Variants in TENM4 observed in about 807,000 individuals in gnomAD.
TENM4 encodes teneurin-4.
Under a neutral mutation model 243.3 loss-of-function variants are expected in TENM4, and 82 were observed. The ratio of observed to expected loss-of-function variants is 0.34; its 90% CI spans 0.28 to 0.40. TENM4 has a LOEUF of 0.40. TENM4 is among the 10% of genes least tolerant of loss of function. The pLI, the probability that TENM4 is intolerant of heterozygous loss-of-function variation, is 1.00. For synonymous variants in TENM4, 1,412 were observed against 1,456.3 expected (o/e 0.97, Z 0.69); for missense variants, 3,138 against 3,673.3 (o/e 0.85, Z 3.77).
At chr11:78,808,343 A>G (rs1160340244) in intron 14 of TENM4, among the ~76,000 whole-genome samples, 1 of 152,242 alleles carries the variant, frequency 6.6e-6, no homozygotes, top group East Asian at 1.9e-4. Flanking sequence ...GTAATAACAC[A>G]GTAATGATCA....
intron 2 of TENM4, among the ~76,000 whole-genome samples, chr11:79,283,202 A>G (rs1590849768): frequency 8.0e-6 from 1 of 124,740 alleles, no homozygotes; most frequent in South Asian, 2.5e-4. Flanking sequence ...CAAAGACATC[A>G]CACACACACA....
intron 19 of TENM4, among the ~76,000 whole-genome samples, chr11:78,746,149 C>T (rs1283823081): frequency 6.6e-6 from 1 of 152,150 alleles, no homozygotes; most frequent in East Asian, 1.9e-4. Flanking sequence ...TTTTAAGTTA[C>T]AGGGGTCTTC....
At chr11:78,804,132 C>T (rs761679709) in intron 15 of TENM4, among the ~76,000 whole-genome samples, 5 of 152,168 alleles carry the variant, frequency 3.3e-5, no homozygotes, top group Middle Eastern at 3.2e-3. Context: ...GTTTAAACAG[C>T]GTGGAGTGCC....
intron 2 of TENM4, among the ~76,000 whole-genome samples, chr11:79,290,913 A>G (rs660933): frequency 0.57 from 87,250 of 152,002 alleles, 25,586 homozygotes; most frequent in Middle Eastern, 0.69. Context: ...GCTCATTTAG[A>G]GCTGTTTGTT....
intron 3 of TENM4, among the ~76,000 whole-genome samples, chr11:79,180,905 G>A (rs1229262368): frequency 6.6e-6 from 1 of 151,032 alleles, no homozygotes; most frequent in African/African-American, 2.4e-5. Flanking sequence ...ATATGTATGT[G>A]TATATATGTA....
At chr11:78,904,943 G>A (rs966463649) in intron 6 of TENM4, among the ~76,000 whole-genome samples, 4 of 152,248 alleles carry the variant, frequency 2.6e-5, no homozygotes, top group South Asian at 2.1e-4. Context: ...GATATTATGC[G>A]GGTGGTGAAG....
intron 12 of TENM4, among the ~76,000 whole-genome samples, chr11:78,843,599 C>T (rs746512356): frequency 6.6e-6 from 1 of 151,998 alleles, no homozygotes; most frequent in East Asian, 1.9e-4. Context: ...CCAAGTAGTT[C>T]CAGAGAAGAA....
In TENM4 at chr11:79,128,302, G is replaced by A. The variant is rs191793486; in HGVS notation, c.-66+20408C>T. Among the ~76,000 whole-genome samples, 445 of 152,290 alleles carry A rather than the reference G, an allele frequency of 2.9e-3. 2 individuals carry two copies. Among genetic ancestry groups the A allele is most frequent in the African/African-American group, 0.01 (418 of 41,560 alleles). Reference sequence around the variant, plus strand: ...TGGTGGAAACTGAACATTTGACTATGGGTCATCAAGTCACCATGAAACCTG... The same window carrying A: ...TGGTGGAAACTGAACATTTGACTATAGGTCATCAAGTCACCATGAAACCTG... On this transcript the variant is annotated intron_variant, in intron 4 of 33. Transcript: ENST00000278550.
At chr11:78,815,470 A>G (rs1021259125) in intron 12 of TENM4, among the ~76,000 whole-genome samples, 17 of 152,186 alleles carry the variant, frequency 1.1e-4, no homozygotes, top group Admixed American at 9.2e-4. Flanking sequence ...CCTTTTGCAG[A>G]GATGTTCCTT....
chr11:79,348,714 T>TTCCAACC (rs1857369222), intron 1 of TENM4, among the ~76,000 whole-genome samples: 1 of 152,188 alleles, frequency 6.6e-6, no homozygotes. Flanking sequence ...GATCTTGGAC[T>TTCCAACC]TCCAACCTCC....
intron 6 of TENM4, among the ~76,000 whole-genome samples, chr11:78,966,734 T>A (rs779599492): frequency 1.3e-5 from 2 of 152,114 alleles, no homozygotes; most frequent in Non-Finnish European, 2.9e-5. Flanking sequence ...GCCTAAAGCC[T>A]TCATCCTTCA....
At chr11:79,369,769 C>G (rs1173009214) in intron 1 of TENM4, among the ~76,000 whole-genome samples, 1 of 152,232 alleles carries the variant, frequency 6.6e-6, no homozygotes, top group Non-Finnish European at 1.5e-5. Context: ...AGAACCTTCT[C>G]TCAACTGTGA....
chr11:79,234,915 C>T (rs1864436023), intron 2 of TENM4, among the ~76,000 whole-genome samples: 1 of 152,150 alleles, frequency 6.6e-6, no homozygotes, highest in South Asian at 2.1e-4. Context: ...AAAATATCTA[C>T]TGAAGCATTG....
intron 28 of TENM4, among the ~76,000 whole-genome samples, chr11:78,694,846 G>T (rs1209407308): frequency 6.6e-6 from 1 of 152,076 alleles, no homozygotes; most frequent in East Asian, 1.9e-4. Context: ...CTCCAGTGCC[G>T]AATCTCTAAC....
chr11:78,698,022 T>C (rs1323762063), intron 28 of TENM4, among the ~76,000 whole-genome samples: 1 of 152,172 alleles, frequency 6.6e-6, no homozygotes, highest in Non-Finnish European at 1.5e-5. Flanking sequence ...AACTGTGAAC[T>C]CTGTAAATCA....
chr11:79,170,153 T>C (rs1863008670), intron 3 of TENM4, among the ~76,000 whole-genome samples: 1 of 152,028 alleles, frequency 6.6e-6, no homozygotes, highest in Non-Finnish European at 1.5e-5. Context: ...GTGGTCTCAG[T>C]GGTCTAATGG....
chr11:79,089,257 C>T (rs939919755), intron 4 of TENM4, among the ~76,000 whole-genome samples: 2 of 152,206 alleles, frequency 1.3e-5, no homozygotes, highest in Non-Finnish European at 2.9e-5. Flanking sequence ...GAGGGCCAGG[C>T]CCCACAACAG....
intron 4 of TENM4, among the ~76,000 whole-genome samples, chr11:79,105,381 A>G (rs1009845523): frequency 6.6e-6 from 1 of 152,220 alleles, no homozygotes; most frequent in Non-Finnish European, 1.5e-5. Context: ...GATGTGTGGA[A>G]ACACTGACTT....
chr11:78,910,530 C>T lies in TENM4; in HGVS notation c.494-7007G>A, dbSNP rs186701511. 4.0e-3 allele frequency among the ~76,000 whole-genome samples: 612 copies of T among 152,328 alleles called. 4 individuals carry two copies. The highest frequency in any genetic ancestry group is 5.7e-3 in the Non-Finnish European group (389 of 68,032). On this transcript the variant is annotated intron_variant, in intron 6 of 33. Transcript: ENST00000278550. ...AGTCGGAATCTGATAGCCTGACTTC[C>T]AGTCTCAGTTCTGCCTCCTTCAAGC... is the stretch of plus-strand genomic sequence containing the variant.
Sources: allele counts gnomAD v4.1 joint callset (sites outside exome capture counted in the v4.1 genomes callset), GRCh38; gene constraint gnomAD v4.1.1; transcripts MANE v1.5; gene names NCBI Gene and HGNC (gene_info 2026-07-23, HGNC 2026-07-21).